The following TRPM5 variants were observed in gnomAD, a reference collection of about 807,000 sequenced individuals.
TRPM5 encodes MLSN1 and TRP-related.
Under a neutral mutation model 124.9 loss-of-function variants are expected in TRPM5, and 121 were observed. The ratio of observed to expected loss-of-function variants is 0.97; its 90% CI spans 0.84 to 1.13. The LOEUF is 1.13. TRPM5 is among the 50% of genes most tolerant of loss of function. TRPM5 has a pLI of 0.00. For synonymous variants in TRPM5, 781 were observed against 700.5 expected (o/e 1.11, Z -1.81); for missense variants, 1,643 against 1,589.1 (o/e 1.03, Z -0.58).
intron 18 of TRPM5, among the ~76,000 whole-genome samples, chr11:2,409,519 A>G (rs1850399669): frequency 1.3e-5 from 2 of 152,186 alleles, no homozygotes; most frequent in Non-Finnish European, 2.9e-5. Context: ...CCGGCTCGGC[A>G]CGAGTGCAGA....
At chr11:2,411,244 G>C (rs1320675835) in intron 18 of TRPM5, 108 bp downstream of exon 23, 2 of 1,300,404 alleles carry the variant, frequency 1.5e-6, no homozygotes, top group Non-Finnish European at 2.0e-6. Flanking sequence ...CTCCAGGCTG[G>C]GGTCTCCATG....
upstream of TRPM5, among the ~76,000 whole-genome samples, chr11:2,426,429 C>A (rs1407740970): frequency 1.3e-5 from 2 of 152,136 alleles, no homozygotes. Context: ...GTCTTCTGCA[C>A]CCCTCCCTGT....
chr11:2,419,448 G>GAAA, intron 4 of TRPM5, among the ~76,000 whole-genome samples: 1 of 137,424 alleles, frequency 7.3e-6, no homozygotes. Flanking sequence ...TCTCTACTGG[G>GAAA]AAAAAAAAAA....
intron 17 of TRPM5, 25 bp downstream of exon 22, chr11:2,411,610 A>G (rs1850453018): frequency 6.2e-7 from 1 of 1,612,214 alleles, no homozygotes. Context: ...CTCCAGGGCC[A>G]GGGCCAGGGC....
chr11:2,404,793 G>T, exon 24 of TRPM5: 1 of 638,526 alleles, frequency 1.6e-6, no homozygotes, highest in Non-Finnish European at 2.7e-6. Context: ...GTGAGGGTCT[G>T]TGGTGAGGCA....
intron 22 of TRPM5, 74 bp from the exon 28 acceptor site, chr11:2,405,667 TC>T: frequency 6.8e-7 from 1 of 1,462,834 alleles, no homozygotes; most frequent in Non-Finnish European, 9.3e-7. Context: ...CCTCCCCATC[TC>T]CCCTCTCCTG....
At chr11:2,439,964 G>A in the TRPM5 span, among the ~76,000 whole-genome samples, 1 of 152,206 alleles carries the variant, frequency 6.6e-6, no homozygotes, top group Non-Finnish European at 1.5e-5. Flanking sequence ...TAAAGAAAAT[G>A]TGGTATATAC....
In TRPM5 at chr11:2,406,796, G is replaced by C; in HGVS notation, c.3119-3C>G. ...CAGGGGGTCTGGCAGGTCTCTCTCT[G>C]GGAAAGCCAGGTGGCAGCCAGCATT... is the stretch of plus-strand genomic sequence containing the variant. On this transcript the variant is annotated splice_region_variant and splice_polypyrimidine_tract_variant and intron_variant, in intron 20 of 23. Coordinates refer to ENST00000155858, the Ensembl canonical transcript of TRPM5. 6.2e-7 allele frequency: 1 copy of C among 1,609,478 alleles called. No individual in the cohort carries two copies. The highest frequency in any genetic ancestry group is 1.1e-5 in the South Asian group (1 of 90,642).
chr11:2,444,021 C>G, the TRPM5 span, among the ~76,000 whole-genome samples: 1 of 152,132 alleles, frequency 6.6e-6, no homozygotes, highest in Non-Finnish European at 1.5e-5. Flanking sequence ...GGCGCAAGCG[C>G]CTCTCCCTTT....
chr11:2,434,944 G>A, the TRPM5 span, among the ~76,000 whole-genome samples: 36 of 152,196 alleles, frequency 2.4e-4, no homozygotes, highest in African/African-American at 8.7e-4. Context: ...GCAGTCATTG[G>A]ATACAGATTT....
exon 6 of TRPM5, chr11:2,418,174 G>A: frequency 6.4e-7 from 1 of 1,569,858 alleles, no homozygotes. Flanking sequence ...TACCAGCTTG[G>A]TCCAGCGCAC....
chr11:2,406,588 C>A, intron 21 of TRPM5, 73 bp downstream of exon 26: 1 of 1,522,740 alleles, frequency 6.6e-7, no homozygotes, highest in Middle Eastern at 1.8e-4. Context: ...GATCCTCTGT[C>A]ACTGGCGCCA....
chr11:2,415,109 GC>G lies in TRPM5; in HGVS notation c.1479+11del, dbSNP rs557861305. 172 of 1,572,362 alleles carry G rather than the reference GC, an allele frequency of 1.1e-4. No homozygotes were observed. The East Asian group carries it at 3.6e-3, about 33-fold the overall frequency. ...CAGCCTCGCCCTCCATCCCCACGGA[GC>G]CCCCGCTCACCGCCCTCCTGCGGTC... On this transcript the variant is annotated intron_variant, in intron 9 of 23. Coordinates refer to ENST00000155858, the Ensembl canonical transcript of TRPM5.
chr11:2,434,538 T>C, the TRPM5 span, among the ~76,000 whole-genome samples: 1 of 148,952 alleles, frequency 6.7e-6, no homozygotes, highest in African/African-American at 2.5e-5. Flanking sequence ...ATGCTGTGTA[T>C]GAGTGTGTGT....
chr11:2,418,017 C>G, intron 6 of TRPM5, 150 bp downstream of exon 11: 1 of 945,888 alleles, frequency 1.1e-6, no homozygotes, highest in Non-Finnish European at 1.6e-6. Context: ...TCTCTCTGCT[C>G]CCTGTGGGCC....
the TRPM5 span, among the ~76,000 whole-genome samples, chr11:2,428,618 C>G: frequency 6.8e-6 from 1 of 147,382 alleles, no homozygotes; most frequent in Admixed American, 6.7e-5. The surrounding 1 kb of genome is among the most constrained non-coding windows in gnomAD (Gnocchi z 4.0). Flanking sequence ...GTGGTGATGG[C>G]ATTACCGTTG....
chr11:2,420,195 T>TGC (rs1845749867), intron 4 of TRPM5, 27 bp downstream of exon 9: 2 of 1,566,536 alleles, frequency 1.3e-6, no homozygotes, highest in African/African-American at 1.4e-5. Context: ...TCCCAAGGCT[T>TGC]CCCTGGGTGG....
chr11:2,407,771 A>G (rs1354328410), exon 19 of TRPM5: 2 of 1,613,676 alleles, frequency 1.2e-6, no homozygotes, highest in East Asian at 2.2e-5. Context: ...GAACATGGCG[A>G]TGAGCAGGTT....
At chr11:2,423,063 C>A, upstream of TRPM5, 1 of 1,586,862 alleles carries the variant, frequency 6.3e-7, no homozygotes, top group Non-Finnish European at 8.6e-7. Context: ...GCAGGGATAC[C>A]CTGGCCCTTG....
Sources: allele counts gnomAD v4.1 joint callset (sites outside exome capture counted in the v4.1 genomes callset), GRCh38; gene constraint gnomAD v4.1.1; non-coding constraint Gnocchi (gnomAD v3.1); transcripts MANE v1.5; gene names NCBI Gene and HGNC (gene_info 2026-07-23, HGNC 2026-07-21).